The following SLC12A6 variants were observed in gnomAD, a reference collection of about 807,000 sequenced individuals.
The protein encoded by SLC12A6 is K-Cl cotransporter 3.
In SLC12A6, 66 loss-of-function variants were observed where a neutral mutation model predicts 135.3. That is an observed-to-expected ratio of 0.49 (90% CI 0.40 to 0.60). The LOEUF (loss-of-function observed/expected upper bound fraction) is 0.60. SLC12A6 is among the 20% of genes least tolerant of loss of function. The pLI is 0.00. For missense variants in SLC12A6, 1,058 were observed against 1,452.3 expected (o/e 0.73, Z 4.41); for synonymous variants, 513 against 508.8 (o/e 1.01, Z -0.11).
Position 34,238,285 on chromosome 15 carries a change from C to T in SLC12A6, c.2749G>A (p.Val917Met). 6.2e-7 allele frequency: 1 copy of T among 1,613,716 alleles called. No individual in the cohort carries two copies. Among genetic ancestry groups the T allele is most frequent in the Non-Finnish European group, 8.5e-7 (1 of 1,179,568 alleles). The change falls in exon 21 of 26, where the codon GTG (valine) becomes ATG (methionine). Residue 917 changes from valine (V) to methionine (M), a missense_variant. By Grantham distance (21) the Val-to-Met change is conservative. Transcript: ENST00000354181. ...SEGNIDVWWIVHDGGMLMLLP... is the reference protein window; with the variant it reads ...SEGNIDVWWIMHDGGMLMLLP... ...AGCATAAGCATCCCCCCATCATGCA[C>T]AATCCACCACACATCAATGTTGCCC...
intron 2 of SLC12A6, among the ~76,000 whole-genome samples, chr15:34,285,710 GTGTT>G (rs1291281661): frequency 0.096 from 2,980 of 30,958 alleles, 107 homozygotes; most frequent in African/African-American, 0.29. Flanking sequence ...GTGTGTGTGT[GTGTT>G]TGTCATACAT....
intron 2 of SLC12A6, among the ~76,000 whole-genome samples, chr15:34,328,044 T>C (rs567531282): frequency 1.3e-5 from 2 of 152,222 alleles, no homozygotes; most frequent in East Asian, 3.9e-4. Flanking sequence ...AAAGCTGCCA[T>C]TGGTTAAATT....
chr15:34,254,322 G>GGCTA (rs747141098), intron 9 of SLC12A6, 26 bp downstream of exon 9: 1 of 1,605,308 alleles, frequency 6.2e-7, no homozygotes, highest in Non-Finnish European at 8.5e-7. Flanking sequence ...CAATAAGGAT[G>GGCTA]GCTAGGCAGA....
intron 2 of SLC12A6, among the ~76,000 whole-genome samples, chr15:34,276,538 A>G (rs1367406971): frequency 2.0e-5 from 3 of 152,222 alleles, no homozygotes; most frequent in Non-Finnish European, 4.4e-5. Flanking sequence ...ACTAAGCTCC[A>G]CTTTCCTCAA....
chr15:34,242,419 A>G (rs1296341968), intron 16 of SLC12A6, among the ~76,000 whole-genome samples, 198 bp from the exon 17 acceptor site: 1 of 152,228 alleles, frequency 6.6e-6, no homozygotes, highest in African/African-American at 2.4e-5. Flanking sequence ...TAGCAATGTC[A>G]AACTGCCACA....
At chr15:34,266,568 A>G (rs532792040) in intron 3 of SLC12A6, among the ~76,000 whole-genome samples, 1 of 152,234 alleles carries the variant, frequency 6.6e-6, no homozygotes, top group South Asian at 2.1e-4. Context: ...CAGCCTCCCA[A>G]GTAGCTAGGA....
At position 34,236,735 on chromosome 15, in the gene SLC12A6, C is replaced by T. The variant is rs2140641330; in HGVS notation, c.3015G>A (p.Arg1005=). The T allele has an allele frequency of 6.2e-7, 1 of 1,606,238 alleles. No individual in the cohort carries two copies. Reference sequence around the variant, plus strand: ...CTCTGTCTCGCTCTGTTTTGGATAGCCGCATGTGCCGGAGCATCTGGGACC... The same window carrying T: ...CTCTGTCTCGCTCTGTTTTGGATAGTCGCATGTGCCGGAGCATCTGGGACC... ...EQRSQMLRHM[R]LSKTERDREA... is the part of the protein sequence containing the mutation. Residue 1005 remains arginine, a synonymous_variant, in exon 23 of 26, where the codon CGG becomes CGA. Transcript: ENST00000354181.
intron 2 of SLC12A6, among the ~76,000 whole-genome samples, chr15:34,315,955 C>CAAAACA (rs1555390038): frequency 1.1e-4 from 17 of 151,454 alleles, no homozygotes; most frequent in Admixed American, 8.5e-4. Flanking sequence ...CAAAACAAAA[C>CAAAACA]AAAAAAAACA....
chr15:34,317,983 TCAC>T (rs1340680401), intron 2 of SLC12A6, among the ~76,000 whole-genome samples: 2 of 152,204 alleles, frequency 1.3e-5, no homozygotes, highest in African/African-American at 2.4e-5. Flanking sequence ...GCTATGCTAG[TCAC>T]CACAATGACC....
chr15:34,308,908 A>G (rs1304695081), intron 2 of SLC12A6, among the ~76,000 whole-genome samples: 1 of 152,220 alleles, frequency 6.6e-6, no homozygotes, highest in Admixed American at 6.5e-5. Flanking sequence ...TGTTTAAAGT[A>G]GAAACAGCGT....
upstream of SLC12A6, chr15:34,337,999 A>T (rs919190229): frequency 2.0e-5 from 3 of 151,768 alleles, no homozygotes; most frequent in Non-Finnish European, 1.5e-5. Flanking sequence ...GAGAGGGCGG[A>T]ACCGTCCCGC....
intron 2 of SLC12A6, among the ~76,000 whole-genome samples, chr15:34,308,088 AT>A (rs1887859164): frequency 6.6e-6 from 1 of 152,218 alleles, no homozygotes; most frequent in Non-Finnish European, 1.5e-5. Flanking sequence ...AAAATGAAAT[AT>A]AATTTTTCTT....
In SLC12A6 at chr15:34,230,816, T is replaced by C. The variant is rs1394307943; in HGVS notation, c.*3065A>G. ...ATAAATCTGGCCTAATAACCAGTTT[T>C]CCATGTAACAGTGATTTTGTGTTTC... On this transcript the variant is annotated 3_prime_UTR_variant, in exon 26 of 26. Coordinates refer to ENST00000354181, the MANE Select transcript of SLC12A6 (RefSeq NM_001365088.1). The C allele has an allele frequency of 1.3e-5, 2 of 152,430 alleles. No homozygotes were observed. Among genetic ancestry groups the C allele is most frequent in the African/African-American group, 4.8e-5 (2 of 41,376 alleles). The allele number at this position is 152,430 out of a possible 1,614,324, so 9.4% of individuals were successfully genotyped here. A position where few individuals can be genotyped will look rare whatever the true frequency, so the allele number is the denominator to read the frequency against.
At chr15:34,256,366 A>T in intron 6 of SLC12A6, 83 bp from the exon 7 acceptor site, 1 of 932,760 alleles carries the variant, frequency 1.1e-6, no homozygotes, top group Non-Finnish European at 1.8e-6. Flanking sequence ...TTCCAAGAGC[A>T]CTTGGCAAAC....
At chr15:34,249,175 T>C (rs6495646) in intron 13 of SLC12A6, among the ~76,000 whole-genome samples, 93,234 of 151,986 alleles carry the variant, frequency 0.61, 29,628 homozygotes, top group East Asian at 0.71. Flanking sequence ...TACAATAACA[T>C]AGGCAAAAAT....
chr15:34,248,946 T>TA (rs1355196712), intron 13 of SLC12A6, among the ~76,000 whole-genome samples: 111 of 152,154 alleles, frequency 7.3e-4, no homozygotes, highest in African/African-American at 2.5e-3. Context: ...GGAGACATAA[T>TA]AAGACATATT....
intron 2 of SLC12A6, chr15:34,318,761 T>A: frequency 6.2e-7 from 1 of 1,600,760 alleles, no homozygotes; most frequent in Non-Finnish European, 8.5e-7. Context: ...TTCCTTGCTG[T>A]CGTTTCAGAC....
chr15:34,282,175 A>G (rs934764149), intron 2 of SLC12A6, among the ~76,000 whole-genome samples: 1 of 152,186 alleles, frequency 6.6e-6, no homozygotes, highest in African/African-American at 2.4e-5. Context: ...TCCTTAGTAT[A>G]TTAATAGGGA....
At chr15:34,322,875 G>A (rs1409835129) in intron 2 of SLC12A6, among the ~76,000 whole-genome samples, 1 of 151,036 alleles carries the variant, frequency 6.6e-6, no homozygotes, top group Non-Finnish European at 1.5e-5. Flanking sequence ...CTACTCGGGA[G>A]GCTGAGGCAG....
Sources: allele counts gnomAD v4.1 joint callset (sites outside exome capture counted in the v4.1 genomes callset), GRCh38; gene constraint gnomAD v4.1.1; transcripts MANE v1.5; gene names NCBI Gene and HGNC (gene_info 2026-07-23, HGNC 2026-07-21).